The following ANOS1 variants were observed in gnomAD, a reference collection of about 807,000 sequenced individuals.
The protein encoded by ANOS1 is anosmin-1.
A neutral mutation model predicts 59.0 loss-of-function variants in ANOS1; 6 were observed. The ratio of observed to expected loss-of-function variants is 0.10; its 90% confidence interval spans 0.06 to 0.20. ANOS1 has a LOEUF of 0.20. Ranked by LOEUF, ANOS1 falls within the 10% of genes least tolerant of loss-of-function variation. ANOS1 has a pLI of 1.00. For synonymous variants in ANOS1, 217 were observed against 223.4 expected (o/e 0.97, Z 0.25); for missense variants, 433 against 542.3 (o/e 0.80, Z 2.00).
At chrX:8,684,041 T>C (rs1348791475) in intron 2 of ANOS1, among the ~76,000 whole-genome samples, 1 of 112,023 alleles carries the variant, frequency 8.9e-6, no homozygotes, top group Non-Finnish European at 1.9e-5. Context: ...AGCTCATGTC[T>C]GCTTATAACA....
intron 2 of ANOS1, among the ~76,000 whole-genome samples, chrX:8,657,625 C>T (rs1931955635): frequency 1.8e-5 from 2 of 109,807 alleles, no homozygotes; most frequent in Admixed American, 1.9e-4. Context: ...CGTGCCACCA[C>T]GCCAAACAGA....
chrX:8,693,840 C>A (rs1287634796), intron 2 of ANOS1, among the ~76,000 whole-genome samples: 1 of 106,330 alleles, frequency 9.4e-6, no homozygotes, highest in African/African-American at 3.5e-5. Context: ...TCTCCTTTCG[C>A]AGCCTCCCAA....
At chrX:8,724,546 C>T (rs1209067336) in intron 1 of ANOS1, among the ~76,000 whole-genome samples, 1 of 112,370 alleles carries the variant, frequency 8.9e-6, no homozygotes, top group Non-Finnish European at 1.9e-5. Context: ...AGCCAATCGC[C>T]ATGGTCTGCG....
intron 2 of ANOS1, among the ~76,000 whole-genome samples, chrX:8,651,353 C>T (rs991086190): frequency 6.2e-5 from 7 of 112,088 alleles, no homozygotes; most frequent in African/African-American, 2.3e-4. Flanking sequence ...GAACTGAATA[C>T]GTTAAGGTCT....
intron 8 of ANOS1, among the ~76,000 whole-genome samples, chrX:8,567,764 A>T (rs1415624663): frequency 9.0e-6 from 1 of 111,663 alleles, no homozygotes; most frequent in Non-Finnish European, 1.9e-5. Context: ...ATTGCACTCC[A>T]GCCTGGGTGA....
At chrX:8,623,018 TG>T (rs1931320862) in intron 3 of ANOS1, among the ~76,000 whole-genome samples, 1 of 99,652 alleles carries the variant, frequency 1.0e-5, no homozygotes, top group Non-Finnish European at 2.0e-5. Flanking sequence ...GATAGCTGGA[TG>T]GATGGATGGA....
chrX:8,701,825 C>A (rs896007413), intron 1 of ANOS1, among the ~76,000 whole-genome samples: 1 of 111,349 alleles, frequency 9.0e-6, no homozygotes, highest in African/African-American at 3.3e-5. Context: ...TAGGATCCCC[C>A]CCAAACCACT....
chrX:8,544,048 C>T (rs1363124931), intron 9 of ANOS1, among the ~76,000 whole-genome samples: 1 of 109,291 alleles, frequency 9.1e-6, no homozygotes, highest in Non-Finnish European at 1.9e-5. Flanking sequence ...CTGTAATATG[C>T]TTCAACTATG....
chrX:8,540,193 C>T lies in ANOS1; in HGVS notation c.1355-435G>A, dbSNP rs1406283918. Among the ~76,000 whole-genome samples, 4 of 111,313 alleles carry T rather than the reference C, an allele frequency of 3.6e-5. No homozygotes were observed. In the Admixed American group the frequency reaches 3.8e-4, roughly 11 times the overall value. On this transcript the variant is annotated intron_variant, in intron 9 of 13. Transcript: ENST00000262648. ...AGAGAATCATCAGAAGTTTCTCAAT[C>T]CTACCTTTTTTTTTGATAAAGATGA...
Position 8,679,959 on chromosome X carries a change from G to A in ANOS1, c.255+19739C>T, listed in dbSNP as rs372132731. Among the ~76,000 whole-genome samples the A allele has an allele frequency of 2.7e-5, 3 of 109,706 alleles. No individual in the cohort carries two copies. In the East Asian group the frequency reaches 8.6e-4, roughly 32 times the overall value. Reference sequence around the variant, plus strand: ...GTGGATCACTTGAGGTCAGGAGTTTGAGACCAGCCTGGCCAATGTGGTGAA... The same window carrying A: ...GTGGATCACTTGAGGTCAGGAGTTTAAGACCAGCCTGGCCAATGTGGTGAA... On this transcript the variant is annotated intron_variant, in intron 2 of 13. Transcript: ENST00000262648.
chrX:8,629,791 C>T (rs370070775), intron 2 of ANOS1, among the ~76,000 whole-genome samples: 149 of 112,086 alleles, frequency 1.3e-3, no homozygotes, highest in African/African-American at 4.6e-3. Context: ...ACAGCCATCA[C>T]AATAAATTCT....
At chrX:8,610,759 T>C (rs150535321) in intron 3 of ANOS1, among the ~76,000 whole-genome samples, 1,147 of 111,361 alleles carry the variant, frequency 0.01, 12 homozygotes, top group Middle Eastern at 0.037. Flanking sequence ...AAATTGGGCC[T>C]AGTCTAAAGG....
rs192161061 is a variant in ANOS1 at position 8,623,553 on chromosome X, G to A, written c.318+55C>T. On this transcript the variant is annotated intron_variant, in intron 3 of 13. Coordinates refer to ENST00000262648, the MANE Select transcript of ANOS1 (RefSeq NM_000216.4). Reference sequence around the variant, plus strand: ...GGCCCATTCATTCCCATGACCCCACGTAAGCATAGTCAGATTTGGGTCAAG... The same window carrying A: ...GGCCCATTCATTCCCATGACCCCACATAAGCATAGTCAGATTTGGGTCAAG... 3.3e-5 allele frequency: 30 copies of A among 899,837 alleles called. No individual in the cohort carries two copies. The Admixed American group carries it at 5.6e-4, about 17-fold the overall frequency. 74.2% of individuals were successfully genotyped at this position (899,837 alleles called of 1,213,427 possible). A position where few individuals can be genotyped will look rare whatever the true frequency, so the allele number is the denominator to read the frequency against.
In ANOS1 at chrX:8,591,873, G is replaced by C. The variant is rs186127966; in HGVS notation, c.542-3895C>G. Among the ~76,000 whole-genome samples the C allele has an allele frequency of 6.0e-4, 67 of 112,345 alleles. No homozygotes were observed. The East Asian group carries it at 0.017, about 29-fold the overall frequency. On this transcript the variant is annotated intron_variant, in intron 4 of 13. Coordinates refer to ENST00000262648, the MANE Select transcript of ANOS1 (RefSeq NM_000216.4). ...GTGTTTTTTATTATGTAAATGATTA[G>C]CATTTTTCTCTTTAAAATTACTTTT...
chrX:8,713,561 T>C (rs1932824171), intron 1 of ANOS1, among the ~76,000 whole-genome samples: 1 of 111,798 alleles, frequency 8.9e-6, no homozygotes, highest in Non-Finnish European at 1.9e-5. Flanking sequence ...CTTTGCTTTA[T>C]GTGACTTCAC....
chrX:8,605,033 G>A (rs1291743588), intron 3 of ANOS1, among the ~76,000 whole-genome samples: 1 of 112,545 alleles, frequency 8.9e-6, no homozygotes, highest in Non-Finnish European at 1.9e-5. Flanking sequence ...AAAAGTTTTT[G>A]TTAAACAAGA....
chrX:8,663,664 C>G (rs1336278978), intron 2 of ANOS1, among the ~76,000 whole-genome samples: 2 of 111,662 alleles, frequency 1.8e-5, no homozygotes, highest in African/African-American at 6.5e-5. Context: ...CCTACTAACT[C>G]CCTCTGAATG....
chrX:8,596,155 G>T lies in ANOS1; in HGVS notation c.541+879C>A, dbSNP rs187803189. Among the ~76,000 whole-genome samples the T allele has an allele frequency of 2.7e-5, 3 of 111,053 alleles. No individual in the cohort carries two copies. In the East Asian group the frequency reaches 8.5e-4, roughly 32 times the overall value. Reference sequence around the variant, plus strand: ...TACATATTACAATGTTATAATAATAGAAATAAAGTGCACAATAAATGTAAT... The same window carrying T: ...TACATATTACAATGTTATAATAATATAAATAAAGTGCACAATAAATGTAAT... On this transcript the variant is annotated intron_variant, in intron 4 of 13. Coordinates refer to ENST00000262648, the MANE Select transcript of ANOS1 (RefSeq NM_000216.4).
chrX:8,668,432 C>T (rs866478200), intron 2 of ANOS1, among the ~76,000 whole-genome samples: 920 of 62,193 alleles, frequency 0.015, 20 homozygotes, highest in African/African-American at 0.05. Context: ...TATATATATA[C>T]ACACACATAC....
Sources: gnomAD v4.1 joint callset for allele counts (sites outside exome capture counted in the v4.1 genomes callset) on GRCh38, gnomAD v4.1.1 for gene constraint, MANE v1.5 for transcripts, NCBI Gene and HGNC (gene_info 2026-07-23, HGNC 2026-07-21) for gene names.